Variants in ANGPT1 observed in about 807,000 individuals in gnomAD.
The protein encoded by ANGPT1 is angiopoietin-1.
Under a neutral mutation model 62.2 loss-of-function variants are expected in ANGPT1, and 17 were observed. The ratio of observed to expected loss-of-function variants is 0.27; its 90% CI spans 0.19 to 0.41. The LOEUF (loss-of-function observed/expected upper bound fraction) is 0.41. ANGPT1 is among the 10% of genes least tolerant of loss of function. The probability of loss-of-function intolerance (pLI) is 1.00; values close to 1 mark genes in which losing one functional copy is unlikely to be tolerated. For synonymous variants in ANGPT1, 199 were observed against 198.9 expected, an observed-to-expected ratio of 1.00 and a Z score of 0.00; for missense variants, 478 against 594.9, an observed-to-expected ratio of 0.80 and a Z score of 2.04.
intron 4 of ANGPT1, among the ~76,000 whole-genome samples, chr8:107,307,818 C>T (rs1355259894): frequency 2.6e-5 from 4 of 152,090 alleles, no homozygotes; most frequent in Non-Finnish European, 5.9e-5. Flanking sequence ...GTATTTGCCT[C>T]TCTCTTTACC....
At chr8:107,318,209 T>C (rs544959847) in intron 4 of ANGPT1, among the ~76,000 whole-genome samples, 1 of 152,336 alleles carries the variant, frequency 6.6e-6, no homozygotes, top group South Asian at 2.1e-4. Context: ...TCAGAAGCCT[T>C]ACAAAGTGGA....
rs1440152145 is a variant in ANGPT1 at position 107,455,917 on chromosome 8, G to C, written c.297+41345C>G. On this transcript the variant is annotated intron_variant, in intron 1 of 8. Coordinates refer to ENST00000517746, the MANE Select transcript of ANGPT1 (RefSeq NM_001146.5). ...AGAAAGACCCAAAATACACAACTTG[G>C]GGATTGGAATGAAGCCACAAAAAGC... Among the ~76,000 whole-genome samples the C allele has an allele frequency of 1.8e-4, 27 of 151,936 alleles. 1 individual carries two copies. Among genetic ancestry groups the C allele is most frequent in the Non-Finnish European group, 8.8e-5 (6 of 67,920 alleles).
rs1280887411 is a variant in ANGPT1, at chr8:107,322,056, T to C, written c.648A>G (p.Lys216=). The C allele has an allele frequency of 1.8e-5, 29 of 1,613,918 alleles. No homozygotes were observed. The highest frequency in any genetic ancestry group is 2.2e-5 in the East Asian group (1 of 44,888). The change falls in exon 4 of 9, where the codon AAA becomes AAG. Residue 216 remains lysine, a synonymous_variant. Transcript: ENST00000517746. ...GAGTAACCAAGCCTTGAAGGTTCTC[T>C]TTCTCTTCCTTTAAGGTGTCCAACT... ...KEELDTLKEE[K]ENLQGLVTRQ...
chr8:107,492,336 A>G (rs1305109305), intron 1 of ANGPT1, among the ~76,000 whole-genome samples: 1 of 152,052 alleles, frequency 6.6e-6, no homozygotes, highest in Admixed American at 6.6e-5. Context: ...CTTACTAAAT[A>G]TCTACTTTAT....
intron 1 of ANGPT1, among the ~76,000 whole-genome samples, chr8:107,390,420 C>T (rs911295518): frequency 7.9e-5 from 12 of 152,148 alleles, no homozygotes; most frequent in African/African-American, 2.9e-4. Flanking sequence ...GCTGAATACT[C>T]TGAAGCTTGT....
chr8:107,361,399 T>C (rs986291048), intron 1 of ANGPT1, among the ~76,000 whole-genome samples: 7 of 149,586 alleles, frequency 4.7e-5, no homozygotes, highest in African/African-American at 9.7e-5. Flanking sequence ...TTTGCAGATA[T>C]ATATATATTT....
At chr8:107,350,079 C>T (rs1001422915) in intron 1 of ANGPT1, among the ~76,000 whole-genome samples, 121 of 152,192 alleles carry the variant, frequency 8.0e-4, no homozygotes, top group African/African-American at 2.8e-3. Flanking sequence ...TTAGTTCATT[C>T]ACTTGATGTA....
intron 1 of ANGPT1, among the ~76,000 whole-genome samples, chr8:107,363,953 C>T (rs1212278423): frequency 1.3e-5 from 2 of 152,044 alleles, no homozygotes; most frequent in Non-Finnish European, 2.9e-5. Flanking sequence ...AATATAGTCC[C>T]CTGACTGACA....
At chr8:107,374,643 T>G (rs947492835) in intron 1 of ANGPT1, among the ~76,000 whole-genome samples, 8 of 152,212 alleles carry the variant, frequency 5.3e-5, no homozygotes. Context: ...GGTCGCAAAT[T>G]GCCTTCTGTC....
chr8:107,488,435 A>G (rs1480940777), intron 1 of ANGPT1, among the ~76,000 whole-genome samples: 2 of 152,030 alleles, frequency 1.3e-5, no homozygotes, highest in East Asian at 1.9e-4. Flanking sequence ...AGGAGGCCTC[A>G]CTCCACTTCT....
At chr8:107,350,929 T>C (rs928407883) in intron 1 of ANGPT1, among the ~76,000 whole-genome samples, 7 of 152,166 alleles carry the variant, frequency 4.6e-5, no homozygotes, top group Non-Finnish European at 7.4e-5. Context: ...TGATGTGCCA[T>C]AGCAGCCAGG....
intron 1 of ANGPT1, among the ~76,000 whole-genome samples, chr8:107,444,678 A>G (rs1432472177): frequency 1.3e-5 from 2 of 152,030 alleles, no homozygotes; most frequent in Non-Finnish European, 2.9e-5. Context: ...TCCTAAATAT[A>G]GTTTTAACAG....
intron 1 of ANGPT1, among the ~76,000 whole-genome samples, chr8:107,430,012 G>A (rs1811138870): frequency 6.9e-6 from 1 of 145,438 alleles, no homozygotes; most frequent in Admixed American, 7.0e-5. Flanking sequence ...AAAGTCACAG[G>A]TTAAGTAATA....
intron 6 of ANGPT1, among the ~76,000 whole-genome samples, chr8:107,291,543 C>A (rs931778552): frequency 6.6e-6 from 1 of 152,010 alleles, no homozygotes; most frequent in African/African-American, 2.4e-5. Context: ...TCCCAAGTAG[C>A]TGGGATTACA....
intron 7 of ANGPT1, among the ~76,000 whole-genome samples, chr8:107,280,736 G>A (rs1454811388): frequency 6.6e-6 from 1 of 152,104 alleles, no homozygotes; most frequent in Admixed American, 6.5e-5. Context: ...TTAGGTAGTG[G>A]CCAGGTCACG....
chr8:107,441,475 A>G (rs1811473533), intron 1 of ANGPT1, among the ~76,000 whole-genome samples: 1 of 152,056 alleles, frequency 6.6e-6, no homozygotes, highest in African/African-American at 2.4e-5. Flanking sequence ...GATTTTCTCC[A>G]CAGAATTTGT....
chr8:107,496,524 T>C (rs1366519814), intron 1 of ANGPT1, among the ~76,000 whole-genome samples: 1 of 152,232 alleles, frequency 6.6e-6, no homozygotes, highest in Non-Finnish European at 1.5e-5. Flanking sequence ...ATTTCAGGAA[T>C]ATAGTAGACT....
intron 1 of ANGPT1, among the ~76,000 whole-genome samples, chr8:107,353,568 C>A (rs566039724): frequency 1.3e-5 from 2 of 152,154 alleles, no homozygotes; most frequent in Non-Finnish European, 2.9e-5. Context: ...CCATTGATAC[C>A]CATCAGCTGC....
intron 2 of ANGPT1, among the ~76,000 whole-genome samples, chr8:107,338,112 T>C (rs541900959): frequency 1.8e-4 from 27 of 151,510 alleles, no homozygotes; most frequent in African/African-American, 6.5e-4. Context: ...TAAAATAAAA[T>C]AAAAAACAAA....
Sources: gnomAD v4.1 joint callset for allele counts (sites outside exome capture counted in the v4.1 genomes callset) on GRCh38, gnomAD v4.1.1 for gene constraint, MANE v1.5 for transcripts, NCBI Gene and HGNC (gene_info 2026-07-23, HGNC 2026-07-21) for gene names.